The following CLYBL variants were observed in gnomAD, a reference collection of about 807,000 sequenced individuals.
CLYBL encodes the protein citramalyl-CoA lyase.
In CLYBL, 31 loss-of-function variants were observed where a neutral mutation model predicts 38.9. That is an observed-to-expected ratio of 0.80 (90% CI 0.60 to 1.08). CLYBL has a LOEUF of 1.08. Ranked by LOEUF, CLYBL falls within the 50% of genes least tolerant of loss-of-function variation. The pLI, the probability that CLYBL is intolerant of heterozygous loss-of-function variation, is 0.00. For missense variants in CLYBL, 434 were observed against 411.6 expected, an observed-to-expected ratio of 1.05 and a Z score of -0.47; for synonymous variants, 171 against 158.6, an observed-to-expected ratio of 1.08 and a Z score of -0.59.
At chr13:99,850,342 G>A (rs894694619) in intron 2 of CLYBL, among the ~76,000 whole-genome samples, 3 of 152,098 alleles carry the variant, frequency 2.0e-5, no homozygotes, top group African/African-American at 7.2e-5. Flanking sequence ...TTTAAAAGTG[G>A]GCAAGGGACT....
At chr13:99,625,254 G>A (rs1594089143) in intron 1 of CLYBL, among the ~76,000 whole-genome samples, 1 of 152,220 alleles carries the variant, frequency 6.6e-6, no homozygotes, top group East Asian at 1.9e-4. Flanking sequence ...ACTGCTAACT[G>A]GCGTGGCTCT....
chr13:99,877,667 C>T (rs1454469017), intron 7 of CLYBL: 6 of 321,120 alleles, frequency 1.9e-5, no homozygotes, highest in Non-Finnish European at 3.6e-5. Flanking sequence ...ACCTCCGCCT[C>T]CCGGGTTCAA....
At chr13:99,862,919 T>G in intron 3 of CLYBL, 72 bp from the exon 4 acceptor site, 5 of 708,256 alleles carry the variant, frequency 7.1e-6, no homozygotes, top group Non-Finnish European at 9.5e-6. Context: ...ACTTAAATAC[T>G]ACTTCTGGGT....
At chr13:99,698,438 T>G (rs1431310631) in intron 1 of CLYBL, among the ~76,000 whole-genome samples, 1 of 152,138 alleles carries the variant, frequency 6.6e-6, no homozygotes, top group Non-Finnish European at 1.5e-5. Flanking sequence ...CCATCAGAAT[T>G]ACGTTCAAGC....
At chr13:99,782,016 T>A (rs1487635795) in intron 2 of CLYBL, among the ~76,000 whole-genome samples, 2 of 152,234 alleles carry the variant, frequency 1.3e-5, no homozygotes, top group African/African-American at 4.8e-5. Context: ...TTTAATCCTA[T>A]ACATTTTATA....
chr13:99,816,307 C>T (rs1237143993), intron 2 of CLYBL, among the ~76,000 whole-genome samples: 2 of 152,184 alleles, frequency 1.3e-5, no homozygotes, highest in Non-Finnish European at 2.9e-5. Flanking sequence ...TATCTGTTTT[C>T]CAAGATGCTG....
intron 1 of CLYBL, among the ~76,000 whole-genome samples, chr13:99,665,153 G>A (rs61974385): frequency 0.023 from 3,472 of 151,104 alleles, 65 homozygotes; most frequent in Middle Eastern, 0.085. Context: ...AAGATTAAGT[G>A]GCATAAGTAT....
chr13:99,733,030 A>G (rs916376673), intron 1 of CLYBL, among the ~76,000 whole-genome samples: 3 of 152,222 alleles, frequency 2.0e-5, no homozygotes, highest in African/African-American at 7.2e-5. Flanking sequence ...TGGCTTTTGC[A>G]TTTATTTATT....
At position 99,796,827 on chromosome 13, in the gene CLYBL, G is replaced by T. The variant is rs189002046; in HGVS notation, c.249+23817G>T. ...CAGACACAGTAGTGTAGACTGGTTG[G>T]GTACAAGCAAAAGTGGGCAGCCCAC... On this transcript the variant is annotated intron_variant, in intron 2 of 8. Coordinates refer to ENST00000339105, the MANE Select transcript of CLYBL (RefSeq NM_206808.5). Among the ~76,000 whole-genome samples the T allele has an allele frequency of 2.6e-5, 4 of 152,162 alleles. No homozygotes were observed. The East Asian group carries it at 7.7e-4, about 29-fold the overall frequency.
chr13:99,727,402 T>G (rs1336416585), intron 1 of CLYBL: 2 of 152,056 alleles, frequency 1.3e-5, no homozygotes, highest in Non-Finnish European at 2.9e-5. Flanking sequence ...GATTGCAGGT[T>G]CCTTTTCAGA....
chr13:99,865,138 A>AAAAG lies in CLYBL; in HGVS notation c.634+229_634+232dup. On this transcript the variant is annotated intron_variant, in intron 5 of 8. Transcript: ENST00000339105. The surrounding 1 kb of genome is among the most constrained non-coding windows in gnomAD (Gnocchi z 4.7). Reference sequence around the variant, plus strand: ...TGCATTATTACTTCTGTTCATTTATAAAAGACACGAGCAATAGAAAGCCTG... The same window carrying AAAAG: ...TGCATTATTACTTCTGTTCATTTATAAAAGAAAGACACGAGCAATAGAAAGCCTG... The AAAAG allele has an allele frequency of 1.9e-6, 1 of 530,400 alleles. No individual in the cohort carries two copies. Among genetic ancestry groups the AAAAG allele is most frequent in the East Asian group, 4.1e-5 (1 of 24,268 alleles). 32.9% of individuals were successfully genotyped at this position (530,400 alleles called of 1,614,324 possible). A position where few individuals can be genotyped will look rare whatever the true frequency, so the allele number is the denominator to read the frequency against.
intron 1 of CLYBL, among the ~76,000 whole-genome samples, chr13:99,668,973 G>T (rs535857181): frequency 7.2e-5 from 11 of 151,940 alleles, no homozygotes; most frequent in Admixed American, 3.9e-4. Context: ...AAGAAGTGTG[G>T]GCAGATCTAG....
At chr13:99,820,175 A>C (rs536722941) in intron 2 of CLYBL, among the ~76,000 whole-genome samples, 1 of 152,232 alleles carries the variant, frequency 6.6e-6, no homozygotes, top group East Asian at 1.9e-4. Flanking sequence ...ACACTTCTGC[A>C]TGAGCTCAGA....
intron 2 of CLYBL, among the ~76,000 whole-genome samples, chr13:99,783,241 C>T (rs939958157): frequency 6.6e-6 from 1 of 151,994 alleles, no homozygotes; most frequent in Admixed American, 6.6e-5. Context: ...TGGGGTTTCA[C>T]CATGTTGGCC....
At chr13:99,622,118 G>A (rs949173134) in intron 1 of CLYBL, among the ~76,000 whole-genome samples, 9 of 152,136 alleles carry the variant, frequency 5.9e-5, no homozygotes, top group African/African-American at 2.2e-4. Flanking sequence ...GCCATCTCTC[G>A]GGTTCTGTTG....
chr13:99,652,183 C>G (rs2047264685), intron 1 of CLYBL, among the ~76,000 whole-genome samples: 1 of 152,140 alleles, frequency 6.6e-6, no homozygotes, highest in Non-Finnish European at 1.5e-5. Flanking sequence ...CTAATAGGGC[C>G]CACCCTTTGG....
chr13:99,686,203 CCTT>C (rs1046967853), intron 1 of CLYBL, among the ~76,000 whole-genome samples: 67 of 152,222 alleles, frequency 4.4e-4, no homozygotes, highest in Middle Eastern at 3.4e-3. Context: ...TGGGAGGAGA[CCTT>C]CTTTCAATCC....
At chr13:99,789,878 G>T (rs986238215) in intron 2 of CLYBL, among the ~76,000 whole-genome samples, 1 of 152,092 alleles carries the variant, frequency 6.6e-6, no homozygotes, top group African/African-American at 2.4e-5. Context: ...GAATCTGGGT[G>T]CTCCTGTATT....
intron 2 of CLYBL, among the ~76,000 whole-genome samples, chr13:99,841,625 C>T (rs1272479101): frequency 1.3e-5 from 2 of 152,090 alleles, no homozygotes; most frequent in Non-Finnish European, 2.9e-5. Context: ...GTCTTGAACT[C>T]CTGACCTCAG....
Sources: allele counts gnomAD v4.1 joint callset (sites outside exome capture counted in the v4.1 genomes callset), GRCh38; gene constraint gnomAD v4.1.1; non-coding constraint Gnocchi (gnomAD v3.1); transcripts MANE v1.5; gene names NCBI Gene and HGNC (gene_info 2026-07-23, HGNC 2026-07-21).